The following ARHGAP26 variants were observed in gnomAD, a reference collection of about 807,000 sequenced individuals.
ARHGAP26 encodes the protein Rho GTPase activating protein 26.
Under a neutral mutation model 104.8 loss-of-function variants are expected in ARHGAP26, and 38 were observed. That is an observed-to-expected ratio of 0.36 (90% CI 0.28 to 0.48). ARHGAP26 has a LOEUF of 0.48. Among genes scored for constraint, ARHGAP26 ranks in the 20% least tolerant of loss-of-function variants. ARHGAP26 has a pLI of 0.99. For synonymous variants in ARHGAP26, 341 were observed against 340.0 expected, an observed-to-expected ratio of 1.00 and a Z score of -0.03; for missense variants, 704 against 947.9, an observed-to-expected ratio of 0.74 and a Z score of 3.38.
At chr5:142,899,852 A>C (rs1180323602) in intron 6 of ARHGAP26, among the ~76,000 whole-genome samples, 2 of 152,158 alleles carry the variant, frequency 1.3e-5, no homozygotes, top group Non-Finnish European at 2.9e-5. Flanking sequence ...AAACAAAATA[A>C]ATATTAGTAA....
intron 1 of ARHGAP26, among the ~76,000 whole-genome samples, chr5:142,800,970 G>A (rs1358416590): frequency 6.6e-6 from 1 of 152,112 alleles, no homozygotes. Flanking sequence ...TCCCTGATGG[G>A]GAACATCAGG....
At chr5:142,911,660 T>G (rs1036357392) in intron 9 of ARHGAP26, among the ~76,000 whole-genome samples, 10 of 152,304 alleles carry the variant, frequency 6.6e-5, no homozygotes, top group South Asian at 4.1e-4. Flanking sequence ...ATATTAATCT[T>G]CCTCCTCTTT....
chr5:143,124,429 C>T (rs960581306), intron 18 of ARHGAP26, among the ~76,000 whole-genome samples: 1 of 152,182 alleles, frequency 6.6e-6, no homozygotes, highest in African/African-American at 2.4e-5. Context: ...TTCTGTGAGT[C>T]AGAAATTTGA....
chr5:143,203,860 G>A (rs1808154999), intron 20 of ARHGAP26: 2 of 152,002 alleles, frequency 1.3e-5, no homozygotes, highest in Non-Finnish European at 2.9e-5. Flanking sequence ...CTCATAAGTG[G>A]GAGTTAGTGA....
intron 4 of ARHGAP26, among the ~76,000 whole-genome samples, chr5:142,883,230 G>T (rs1348579322): frequency 6.6e-6 from 1 of 152,134 alleles, no homozygotes; most frequent in East Asian, 1.9e-4. Flanking sequence ...TCTCACCTCT[G>T]GCCAGCTGGA....
intron 4 of ARHGAP26, among the ~76,000 whole-genome samples, chr5:142,880,838 TG>T (rs1483442026): frequency 3.3e-5 from 5 of 152,278 alleles, no homozygotes; most frequent in African/African-American, 9.6e-5. Context: ...CTGCAAAAGA[TG>T]ATGTTTAGTC....
chr5:142,994,673 C>T (rs1210478512), intron 11 of ARHGAP26, among the ~76,000 whole-genome samples: 1 of 152,152 alleles, frequency 6.6e-6, no homozygotes, highest in Non-Finnish European at 1.5e-5. Context: ...AAAGACAGGA[C>T]TTAGGACAGA....
At chr5:142,835,191 C>G (rs779420064) in intron 1 of ARHGAP26, among the ~76,000 whole-genome samples, 3 of 152,198 alleles carry the variant, frequency 2.0e-5, no homozygotes, top group Non-Finnish European at 4.4e-5. Context: ...GAAATAGCCT[C>G]TGTTTATCTC....
rs148543665 is a variant in ARHGAP26, at chr5:142,902,001, G to C, written c.664G>C (p.Gly222Arg). ...HHGYELAKDFGDFKTQLTISI... is the reference protein window; with the variant it reads ...HHGYELAKDFRDFKTQLTISI... ...TGGTTACGAACTGGCCAAGGATTTC[G>C]GGGACTTCAAGACACAGTTAACCAT... The change falls in exon 7 of 23, where the codon GGG (glycine) becomes CGG (arginine). Residue 222 changes from glycine (G) to arginine (R), a missense_variant. Coordinates refer to ENST00000645722, the MANE Select transcript of ARHGAP26 (RefSeq NM_001135608.3). 9 of 1,613,714 alleles carry C rather than the reference G, an allele frequency of 5.6e-6. No homozygotes were observed. The East Asian group carries it at 2.0e-4, about 36-fold the overall frequency.
At chr5:142,825,936 A>C (rs1767166248) in intron 1 of ARHGAP26, among the ~76,000 whole-genome samples, 1 of 152,194 alleles carries the variant, frequency 6.6e-6, no homozygotes, top group Non-Finnish European at 1.5e-5. Flanking sequence ...AATTCTGCAC[A>C]TGATGCATCT....
intron 11 of ARHGAP26, among the ~76,000 whole-genome samples, chr5:142,977,551 T>G (rs35295): frequency 0.3 from 46,133 of 152,006 alleles, 8,231 homozygotes; most frequent in East Asian, 0.78. Context: ...TTCCCCCTGC[T>G]GGATACGGAT....
intron 21 of ARHGAP26, among the ~76,000 whole-genome samples, chr5:143,207,657 C>T (rs1423159624): frequency 6.6e-6 from 1 of 152,238 alleles, no homozygotes; most frequent in Non-Finnish European, 1.5e-5. Flanking sequence ...TCTGAATTAA[C>T]CTCTCTGGTG....
intron 8 of ARHGAP26, among the ~76,000 whole-genome samples, chr5:142,904,385 G>A (rs942059876): frequency 7.9e-5 from 12 of 152,198 alleles, no homozygotes; most frequent in Admixed American, 7.9e-4. Context: ...AGCTACTTGG[G>A]AGGCTGAGGT....
At chr5:143,095,644 C>T (rs966081764) in intron 17 of ARHGAP26, among the ~76,000 whole-genome samples, 7 of 152,208 alleles carry the variant, frequency 4.6e-5, no homozygotes, top group African/African-American at 1.2e-4. Flanking sequence ...TCTTGGCTCA[C>T]TGCAACCTCC....
intron 20 of ARHGAP26, among the ~76,000 whole-genome samples, chr5:143,174,917 G>T (rs752344152): frequency 4.8e-4 from 73 of 152,114 alleles, no homozygotes; most frequent in Non-Finnish European, 8.2e-4. Context: ...ACATGGGCAG[G>T]TTCTTTGATA....
At chr5:142,963,198 A>ATATATGTGTGTGTGTGTGTGTGTG (rs869247749) in intron 11 of ARHGAP26, among the ~76,000 whole-genome samples, 2 of 98,322 alleles carry the variant, frequency 2.0e-5, no homozygotes, top group African/African-American at 6.1e-5. Context: ...ATATATATAT[A>ATATATGTGTGTGTGTGTGTGTGTG]TGTGTGTGTG....
At chr5:143,113,677 A>C (rs1299654476) in intron 17 of ARHGAP26, among the ~76,000 whole-genome samples, 11 of 152,200 alleles carry the variant, frequency 7.2e-5, no homozygotes, top group Admixed American at 7.2e-4. Context: ...CGCTGCAAGA[A>C]AGAGGAAGAA....
At chr5:142,973,310 C>T (rs1772552483) in intron 11 of ARHGAP26, among the ~76,000 whole-genome samples, 1 of 152,208 alleles carries the variant, frequency 6.6e-6, no homozygotes, top group Admixed American at 6.5e-5. Flanking sequence ...GCAGTATTTT[C>T]TATGTGATGC....
intron 17 of ARHGAP26, among the ~76,000 whole-genome samples, chr5:143,071,263 G>A (rs1052893216): frequency 1.3e-5 from 2 of 152,228 alleles, no homozygotes; most frequent in African/African-American, 4.8e-5. Flanking sequence ...GCATGGTACT[G>A]GCATAAAAGC....
Sources: allele counts gnomAD v4.1 joint callset (sites outside exome capture counted in the v4.1 genomes callset), GRCh38; gene constraint gnomAD v4.1.1; transcripts MANE v1.5; gene names NCBI Gene and HGNC (gene_info 2026-07-23, HGNC 2026-07-21).